Variants in TRAPPC9 observed in about 807,000 individuals in gnomAD.
The protein encoded by TRAPPC9 is IKK2 binding protein.
A neutral mutation model predicts 124.0 loss-of-function variants in TRAPPC9; 83 were observed. That is an observed-to-expected ratio of 0.67 (90% CI 0.56 to 0.80). The LOEUF (loss-of-function observed/expected upper bound fraction) is 0.80, where lower values mean the gene tolerates loss of function less well. Ranked by LOEUF, TRAPPC9 falls within the 30% of genes least tolerant of loss-of-function variation. The probability of loss-of-function intolerance (pLI) is 0.00; values close to 1 mark genes in which losing one functional copy is unlikely to be tolerated. For missense variants in TRAPPC9, 1,302 were observed against 1,508.3 expected, an observed-to-expected ratio of 0.86 and a Z score of 2.27; for synonymous variants, 638 against 617.5, an observed-to-expected ratio of 1.03 and a Z score of -0.49.
intron 3 of TRAPPC9, 96 bp from the exon 4 acceptor site, chr8:140,435,336 C>T: frequency 1.4e-6 from 2 of 1,452,016 alleles, no homozygotes; most frequent in South Asian, 1.2e-5. Flanking sequence ...GCTCAAACTG[C>T]AGTAACTAAC....
chr8:140,075,260 C>T (rs1330056520), intron 17 of TRAPPC9, among the ~76,000 whole-genome samples: 1 of 152,200 alleles, frequency 6.6e-6, no homozygotes, highest in Non-Finnish European at 1.5e-5. Flanking sequence ...CTATAATGTA[C>T]ATAAAACTAT....
At chr8:140,335,294 T>C (rs974434809) in intron 9 of TRAPPC9, among the ~76,000 whole-genome samples, 2 of 152,084 alleles carry the variant, frequency 1.3e-5, no homozygotes, top group African/African-American at 4.8e-5. Context: ...CTATTCCAAG[T>C]ATAGGTGTTG....
chr8:140,099,243 T>C (rs556095601), intron 17 of TRAPPC9: 4 of 148,680 alleles, frequency 2.7e-5, no homozygotes, highest in African/African-American at 1.0e-4. Context: ...AGTGCCGCAG[T>C]CCGCAGGGTA....
intron 8 of TRAPPC9, among the ~76,000 whole-genome samples, chr8:140,369,311 G>A (rs1440721968): frequency 6.6e-6 from 1 of 152,186 alleles, no homozygotes; most frequent in Non-Finnish European, 1.5e-5. Context: ...TGAGAGCTCT[G>A]TGCAAACACC....
At chr8:139,754,905 G>T (rs866052252) in intron 21 of TRAPPC9, among the ~76,000 whole-genome samples, 15 of 152,328 alleles carry the variant, frequency 9.8e-5, no homozygotes, top group African/African-American at 3.4e-4. Context: ...TGTCAAACGG[G>T]CAAAACGTAC....
chr8:140,099,079 G>C (rs2060516328), intron 17 of TRAPPC9: 1 of 151,680 alleles, frequency 6.6e-6, no homozygotes, highest in Admixed American at 6.6e-5. Context: ...ACGCCCACCG[G>C]GGTTCTCCGT....
intron 21 of TRAPPC9, among the ~76,000 whole-genome samples, chr8:139,883,559 GTCCTGGC>G (rs1243967615): frequency 6.6e-6 from 1 of 152,190 alleles, no homozygotes; most frequent in Non-Finnish European, 1.5e-5. Context: ...CAACTTCCTA[GTCCTGGC>G]TCTAATTGTC....
At chr8:140,138,791 C>T (rs948317071) in intron 17 of TRAPPC9, among the ~76,000 whole-genome samples, 2 of 151,998 alleles carry the variant, frequency 1.3e-5, no homozygotes, top group South Asian at 2.1e-4. Flanking sequence ...AGGTTGGTGC[C>T]GGTATTTTTT....
chr8:140,334,495 C>A (rs2066982468), intron 9 of TRAPPC9, among the ~76,000 whole-genome samples: 1 of 151,828 alleles, frequency 6.6e-6, no homozygotes, highest in Non-Finnish European at 1.5e-5. Flanking sequence ...ACTAAAAATA[C>A]AAAAATTAGC....
chr8:139,752,334 T>TCATCCAACATCTAACCATCCATC (rs1819375065), intron 21 of TRAPPC9, among the ~76,000 whole-genome samples: 2 of 98,486 alleles, frequency 2.0e-5, no homozygotes, highest in Non-Finnish European at 4.2e-5. Context: ...ACCCATCCAT[T>TCATCCAACATCTAACCATCCATC]CATCCAACAT....
intron 21 of TRAPPC9, among the ~76,000 whole-genome samples, chr8:139,773,464 C>A (rs1332281036): frequency 6.6e-6 from 1 of 152,210 alleles, no homozygotes; most frequent in Non-Finnish European, 1.5e-5. Flanking sequence ...AGGCGACTGC[C>A]CCGAAGGGAA....
At chr8:140,218,391 T>C (rs1355449609) in intron 17 of TRAPPC9, among the ~76,000 whole-genome samples, 2 of 152,044 alleles carry the variant, frequency 1.3e-5, no homozygotes. Context: ...AGAACAACCA[T>C]TTAAAGATGT....
chr8:139,854,655 G>A (rs956471130), intron 21 of TRAPPC9, among the ~76,000 whole-genome samples: 2 of 152,176 alleles, frequency 1.3e-5, no homozygotes, highest in African/African-American at 4.8e-5. Context: ...AGCTACACTC[G>A]GCATCACGCC....
intron 15 of TRAPPC9, among the ~76,000 whole-genome samples, chr8:140,255,119 G>A (rs115465293): frequency 1.7e-3 from 256 of 152,344 alleles, no homozygotes; most frequent in African/African-American, 5.8e-3. Context: ...GACAGACGGC[G>A]TTTATGTCTC....
chr8:140,200,966 C>G (rs1451618208), intron 17 of TRAPPC9, among the ~76,000 whole-genome samples: 1 of 152,152 alleles, frequency 6.6e-6, no homozygotes, highest in Non-Finnish European at 1.5e-5. Context: ...TAAAACCATT[C>G]TGAAATAAAA....
chr8:140,269,538 C>A (rs1016654471), intron 15 of TRAPPC9, among the ~76,000 whole-genome samples: 4 of 127,196 alleles, frequency 3.1e-5, no homozygotes, highest in African/African-American at 1.3e-4. Flanking sequence ...AAGACTCTGT[C>A]TCAAAAAATA....
intron 20 of TRAPPC9, among the ~76,000 whole-genome samples, chr8:139,909,036 T>G (rs1228316782): frequency 6.6e-6 from 1 of 152,168 alleles, no homozygotes; most frequent in Non-Finnish European, 1.5e-5. Flanking sequence ...TCTGCCAGGC[T>G]CAAAGTCCCT....
At chr8:139,947,893 T>C (rs1161970934) in intron 19 of TRAPPC9, among the ~76,000 whole-genome samples, 1 of 51,646 alleles carries the variant, frequency 1.9e-5, no homozygotes, top group African/African-American at 6.6e-5. Context: ...GAAATATGTG[T>C]GTATATATAT....
At chr8:140,201,349 C>T (rs1372258702) in intron 17 of TRAPPC9, among the ~76,000 whole-genome samples, 2 of 152,182 alleles carry the variant, frequency 1.3e-5, no homozygotes, top group Admixed American at 1.3e-4. Context: ...GAAGGTCTCC[C>T]GTCCTATATT....
Sources: allele counts gnomAD v4.1 joint callset (sites outside exome capture counted in the v4.1 genomes callset), GRCh38; gene constraint gnomAD v4.1.1; transcripts MANE v1.5; gene names NCBI Gene and HGNC (gene_info 2026-07-23, HGNC 2026-07-21).